Variants in PPP6R3 observed in about 807,000 individuals in gnomAD.
PPP6R3 encodes protein phosphatase 6 regulatory subunit 3.
PPP6R3 carries 38 observed loss-of-function variants against 110.7 expected under a neutral mutation model. The observed-to-expected ratio is 0.34, with a 90% CI of 0.26 to 0.45. The LOEUF (loss-of-function observed/expected upper bound fraction) is 0.45, where lower values mean the gene tolerates loss of function less well. PPP6R3 is among the 20% of genes least tolerant of loss of function. The pLI is 1.00. For synonymous variants in PPP6R3, 369 were observed against 373.5 expected (o/e 0.99, Z 0.14); for missense variants, 870 against 1,062.4 (o/e 0.82, Z 2.52).
At position 68,554,724 on chromosome 11, in the gene PPP6R3, T is replaced by C. The variant is rs528481484; in HGVS notation, c.731+467T>C. Among the ~76,000 whole-genome samples, 21 of 152,338 alleles carry C rather than the reference T, an allele frequency of 1.4e-4. No homozygotes were observed. In the East Asian group the frequency reaches 2.9e-3, roughly 21 times the overall value. Reference sequence around the variant, plus strand: ...CTTGGGGATGGGGTGCTGTTTTTTCTAGATTCACATGTTTTTAAAAAGAAT... The same window carrying C: ...CTTGGGGATGGGGTGCTGTTTTTTCCAGATTCACATGTTTTTAAAAAGAAT... On this transcript the variant is annotated intron_variant, in intron 7 of 23. Coordinates refer to ENST00000393800, the MANE Select transcript of PPP6R3 (RefSeq NM_001164161.2).
intron 14 of PPP6R3, among the ~76,000 whole-genome samples, chr11:68,580,746 C>CTTTTTTTT (rs71043441): frequency 5.9e-5 from 4 of 67,530 alleles, no homozygotes; most frequent in Non-Finnish European, 8.5e-5. Flanking sequence ...GGTAAATAAT[C>CTTTTTTTT]TTTTTTTTTT....
At chr11:68,464,046 A>G (rs1003714697) in intron 1 of PPP6R3, among the ~76,000 whole-genome samples, 3 of 152,224 alleles carry the variant, frequency 2.0e-5, no homozygotes, top group Non-Finnish European at 2.9e-5. Context: ...AGACTGGCCT[A>G]CATTAGAATA....
At chr11:68,612,711 A>T (rs1337152671) in intron 23 of PPP6R3, among the ~76,000 whole-genome samples, 1 of 152,060 alleles carries the variant, frequency 6.6e-6, no homozygotes, top group Admixed American at 6.6e-5. Flanking sequence ...AGCTTTCTTG[A>T]AGGAGCGGTG....
intron 19 of PPP6R3, among the ~76,000 whole-genome samples, chr11:68,597,304 C>A (rs532328305): frequency 5.9e-5 from 9 of 152,038 alleles, no homozygotes; most frequent in African/African-American, 2.2e-4. Flanking sequence ...TTTGCCCGTG[C>A]GAGAGAGAAA....
At chr11:68,528,491 T>TACTG (rs2099214911) in intron 2 of PPP6R3, among the ~76,000 whole-genome samples, 1 of 151,236 alleles carries the variant, frequency 6.6e-6, no homozygotes, top group African/African-American at 2.4e-5. Flanking sequence ...GAGAAACAGC[T>TACTG]ACTGCGTGAA....
chr11:68,483,159 A>G (rs1171542238), intron 1 of PPP6R3, among the ~76,000 whole-genome samples: 1 of 152,244 alleles, frequency 6.6e-6, no homozygotes, highest in Non-Finnish European at 1.5e-5. Context: ...CAAGTAAAGT[A>G]CAAATGTTTA....
intron 19 of PPP6R3, among the ~76,000 whole-genome samples, chr11:68,597,339 G>A (rs562944394): frequency 9.2e-5 from 14 of 152,222 alleles, no homozygotes; most frequent in African/African-American, 2.9e-4. Context: ...TGCCCAGAAC[G>A]TGCTGTTTTG....
At chr11:68,602,163 C>T (rs1481302077) in intron 21 of PPP6R3, among the ~76,000 whole-genome samples, 194 bp downstream of exon 21, 1 of 152,168 alleles carries the variant, frequency 6.6e-6, no homozygotes, top group Admixed American at 6.5e-5. Context: ...AGAGTAAGGG[C>T]TCTAAGTTAC....
chr11:68,476,199 G>A (rs983848712), intron 1 of PPP6R3, among the ~76,000 whole-genome samples: 4 of 152,242 alleles, frequency 2.6e-5, no homozygotes, highest in Non-Finnish European at 4.4e-5. Context: ...ACGAGATTCC[G>A]TCTGCAATTC....
chr11:68,599,041 G>T (rs569138135), intron 19 of PPP6R3, among the ~76,000 whole-genome samples: 4 of 152,298 alleles, frequency 2.6e-5, no homozygotes, highest in African/African-American at 9.6e-5. Context: ...AGATATCTTG[G>T]GGAAAGTCAC....
chr11:68,463,813 G>GAAACA (rs1454422166), intron 1 of PPP6R3, among the ~76,000 whole-genome samples: 6 of 152,104 alleles, frequency 3.9e-5, no homozygotes, highest in Non-Finnish European at 7.3e-5. Context: ...GTTGGGGGTG[G>GAAACA]TTCCCCCCTC....
At chr11:68,536,800 A>G (rs767109628) in intron 2 of PPP6R3, among the ~76,000 whole-genome samples, 2 of 152,204 alleles carry the variant, frequency 1.3e-5, no homozygotes, top group Non-Finnish European at 2.9e-5. Flanking sequence ...GGAATTCTGC[A>G]GTGAGCATTT....
At chr11:68,610,217 C>T (rs946220736) in intron 23 of PPP6R3, among the ~76,000 whole-genome samples, 194 bp downstream of exon 23, 5 of 152,162 alleles carry the variant, frequency 3.3e-5, no homozygotes, top group Admixed American at 2.6e-4. Flanking sequence ...AACAGCAGTT[C>T]CTCTCCTTAG....
At chr11:68,499,481 A>G (rs1452798349) in intron 1 of PPP6R3, among the ~76,000 whole-genome samples, 1 of 152,174 alleles carries the variant, frequency 6.6e-6, no homozygotes, top group African/African-American at 2.4e-5. Context: ...AAGAGCCCCT[A>G]AGTGGAAGCT....
intron 14 of PPP6R3, among the ~76,000 whole-genome samples, chr11:68,578,652 TTGGCTGTG>T (rs1162395273): frequency 6.6e-6 from 1 of 152,212 alleles, no homozygotes; most frequent in Non-Finnish European, 1.5e-5. Context: ...TCCTGTCCTA[TTGGCTGTG>T]TACCTGAGGA....
rs146408254 is a variant in PPP6R3, at chr11:68,537,826, C to T, written c.162C>T (p.Leu54=). The T allele has an allele frequency of 2.2e-5, 35 of 1,613,960 alleles. No individual in the cohort carries two copies. The highest frequency in any genetic ancestry group is 8.0e-5 in the African/African-American group (6 of 75,006). ...LIEFLLKAEC[L]EDLVSFIIEE... Reference sequence around the variant, plus strand: ...AGTTTCTGTTAAAAGCAGAATGTCTCGAAGATTTAGTCTCATTCATTATAG... The same window carrying T: ...AGTTTCTGTTAAAAGCAGAATGTCTTGAAGATTTAGTCTCATTCATTATAG... The change falls in exon 3 of 24, where the codon CTC becomes CTT. Residue 54 remains leucine (L), a synonymous_variant. Transcript: ENST00000393800.
intron 1 of PPP6R3, among the ~76,000 whole-genome samples, chr11:68,504,217 TG>T (rs2099063263): frequency 7.1e-6 from 1 of 141,060 alleles, no homozygotes; most frequent in African/African-American, 2.6e-5. Flanking sequence ...AAGTAGAAAT[TG>T]TTTTTTTTTT....
chr11:68,577,806 C>T (rs185430880), intron 14 of PPP6R3, among the ~76,000 whole-genome samples: 6 of 152,276 alleles, frequency 3.9e-5, no homozygotes, highest in South Asian at 2.1e-4. Context: ...ACTCAGATTG[C>T]GTCTCGGTTC....
intron 14 of PPP6R3, among the ~76,000 whole-genome samples, chr11:68,580,940 T>TG (rs752135911): frequency 6.6e-6 from 1 of 151,742 alleles, no homozygotes; most frequent in East Asian, 1.9e-4. Context: ...CCCGGCTAAT[T>TG]TTTTGTATTT....
Sources: allele counts gnomAD v4.1 joint callset (sites outside exome capture counted in the v4.1 genomes callset), GRCh38; gene constraint gnomAD v4.1.1; transcripts MANE v1.5; gene names NCBI Gene and HGNC (gene_info 2026-07-23, HGNC 2026-07-21).